TUSC3: variants seen among roughly 807,000 people sequenced by gnomAD.
TUSC3 encodes the protein tumor suppressor candidate 3, also known as dolichyl-diphosphooligosaccharide--protein glycosyltransferase subunit TUSC3.
Under a neutral mutation model 44.8 loss-of-function variants are expected in TUSC3, and 45 were observed. That is an observed-to-expected ratio of 1.00 (90% CI 0.79 to 1.29). The LOEUF (loss-of-function observed/expected upper bound fraction) is 1.29, where lower values mean the gene tolerates loss of function less well. Among genes scored for constraint, TUSC3 ranks in the 50% most tolerant of loss-of-function variants. The probability of loss-of-function intolerance (pLI) is 0.00; values close to 1 mark genes in which losing one functional copy is unlikely to be tolerated. For missense variants in TUSC3, 519 were observed against 437.9 expected (o/e 1.19, Z -1.65); for synonymous variants, 212 against 152.9 (o/e 1.39, Z -2.85).
At chr8:15,478,172 G>A (rs1056384304) in intron 1 of TUSC3, among the ~76,000 whole-genome samples, 4 of 152,010 alleles carry the variant, frequency 2.6e-5, no homozygotes, top group African/African-American at 4.8e-5. Flanking sequence ...GACCATGTGG[G>A]CCAGGCTGGT....
intron 1 of TUSC3, among the ~76,000 whole-genome samples, chr8:15,429,091 T>G (rs2129116561): frequency 6.6e-6 from 1 of 152,316 alleles, no homozygotes; most frequent in East Asian, 1.9e-4. Flanking sequence ...TCTAGGGTTT[T>G]TATGGCTTTA....
chr8:15,815,071 G>T, the TUSC3 span, among the ~76,000 whole-genome samples: 5 of 152,124 alleles, frequency 3.3e-5, no homozygotes, highest in African/African-American at 9.7e-5. Flanking sequence ...AGACAATGTA[G>T]TATATAAGTA....
In TUSC3 at chr8:15,757,822, T is replaced by G. The variant is rs761731726; in HGVS notation, c.*13T>G. The stretch of plus-strand genomic sequence containing the variant: ...GGACTTTGAGTGAGAAGATGTGATT[T>G]GGACCATGGCACTTAAAAACTCTAT... On this transcript the variant is annotated 3_prime_UTR_variant, in exon 10 of 11. Coordinates refer to ENST00000503731, the MANE Select transcript of TUSC3 (RefSeq NM_006765.4). 3 of 1,399,364 alleles carry G rather than the reference T, an allele frequency of 2.1e-6. No individual in the cohort carries two copies. The Admixed American group carries it at 5.0e-5, about 23-fold the overall frequency. The allele number at this position is 1,399,364 out of a possible 1,614,324, so 86.7% of individuals were successfully genotyped here. A position where few individuals can be genotyped will look rare whatever the true frequency, so the allele number is the denominator to read the frequency against.
chr8:15,526,354 A>G (rs1017462523), intron 2 of TUSC3, among the ~76,000 whole-genome samples: 2 of 152,110 alleles, frequency 1.3e-5, no homozygotes, highest in Non-Finnish European at 2.9e-5. Flanking sequence ...CTTGATAATG[A>G]TTACATTCTA....
intron 2 of TUSC3, among the ~76,000 whole-genome samples, chr8:15,638,857 A>T (rs1806218597): frequency 6.6e-6 from 1 of 152,216 alleles, no homozygotes; most frequent in Non-Finnish European, 1.5e-5. Context: ...ACTGATGATT[A>T]TGATCATGTG....
intron 5 of TUSC3, among the ~76,000 whole-genome samples, chr8:15,662,579 T>A (rs1314442058): frequency 6.6e-6 from 1 of 152,002 alleles, no homozygotes; most frequent in Non-Finnish European, 1.5e-5. Context: ...TTGATCAGAA[T>A]TAATAGCTCA....
chr8:15,585,032 G>T (rs1056229871), intron 1 of TUSC3, among the ~76,000 whole-genome samples: 1 of 152,104 alleles, frequency 6.6e-6, no homozygotes, highest in African/African-American at 2.4e-5. Flanking sequence ...TTTTGTGTTA[G>T]AAATACTCTA....
intron 6 of TUSC3, among the ~76,000 whole-genome samples, chr8:15,682,186 T>A (rs915600068): frequency 6.6e-6 from 1 of 152,160 alleles, no homozygotes; most frequent in Non-Finnish European, 1.5e-5. Context: ...GTCCATTGCA[T>A]TGAATTTAAG....
intron 1 of TUSC3, among the ~76,000 whole-genome samples, chr8:15,566,488 A>G (rs576029371): frequency 1.3e-5 from 2 of 152,246 alleles, no homozygotes; most frequent in South Asian, 4.2e-4. Flanking sequence ...ACAGCTGCTA[A>G]AGGAAAGAGC....
At chr8:15,783,422 C>A in the TUSC3 span, among the ~76,000 whole-genome samples, 11 of 152,176 alleles carry the variant, frequency 7.2e-5, no homozygotes, top group South Asian at 2.3e-3. Context: ...CTGAAGCAAT[C>A]ATGAGCAAAA....
At chr8:15,768,667 G>C (rs567019089), downstream of TUSC3, among the ~76,000 whole-genome samples, 1 of 152,314 alleles carries the variant, frequency 6.6e-6, no homozygotes, top group East Asian at 1.9e-4. Context: ...GTTTGTAGAT[G>C]ACATGGTTGT....
At chr8:15,463,734 T>C in intron 1 of TUSC3, among the ~76,000 whole-genome samples, 1 of 152,176 alleles carries the variant, frequency 6.6e-6, no homozygotes. Context: ...GGAAAACTCA[T>C]ACAGCTTGGC....
chr8:15,689,247 A>G (rs1585232597), intron 6 of TUSC3: 5 of 354,780 alleles, frequency 1.4e-5, no homozygotes, highest in Admixed American at 9.9e-5. Flanking sequence ...TTCAGGCTGG[A>G]TGGGAATCGA....
chr8:15,628,156 A>T (rs1337098793), intron 2 of TUSC3, among the ~76,000 whole-genome samples: 1 of 152,222 alleles, frequency 6.6e-6, no homozygotes, highest in East Asian at 1.9e-4. Context: ...GTTCCTAAAA[A>T]CTGAATGTAT....
chr8:15,706,506 G>T (rs1313917516), intron 6 of TUSC3, among the ~76,000 whole-genome samples: 1 of 152,014 alleles, frequency 6.6e-6, no homozygotes, highest in Non-Finnish European at 1.5e-5. Flanking sequence ...CATTCAGACA[G>T]ATGTCAGAGT....
intron 10 of TUSC3, chr8:15,758,240 T>G: frequency 1.0e-6 from 1 of 996,790 alleles, no homozygotes; most frequent in Non-Finnish European, 1.2e-6. Flanking sequence ...ATGTAAGCCT[T>G]AATATTCAAG....
the TUSC3 span, among the ~76,000 whole-genome samples, chr8:15,809,342 G>T: frequency 6.6e-6 from 1 of 152,130 alleles, no homozygotes; most frequent in Admixed American, 6.5e-5. Flanking sequence ...CTACATGATT[G>T]CTGTTTTTGT....
At chr8:15,439,995 G>C (rs982726483) in intron 1 of TUSC3, among the ~76,000 whole-genome samples, 1 of 152,096 alleles carries the variant, frequency 6.6e-6, no homozygotes, top group Non-Finnish European at 1.5e-5. Context: ...TCTATACCAG[G>C]CACAGGGATA....
At chr8:15,828,618 A>G in the TUSC3 span, among the ~76,000 whole-genome samples, 1 of 152,258 alleles carries the variant, frequency 6.6e-6, no homozygotes, top group African/African-American at 2.4e-5. Flanking sequence ...CTTTTGGATC[A>G]AGAAAGAATA....
Sources: allele counts gnomAD v4.1 joint callset (sites outside exome capture counted in the v4.1 genomes callset), GRCh38; gene constraint gnomAD v4.1.1; transcripts MANE v1.5; gene names NCBI Gene and HGNC (gene_info 2026-07-23, HGNC 2026-07-21).